Variants in PALLD observed in about 807,000 individuals in gnomAD.
The protein encoded by PALLD is palladin.
In PALLD, 61 loss-of-function variants were observed where a neutral mutation model predicts 123.5. The ratio of observed to expected loss-of-function variants is 0.49; its 90% CI spans 0.40 to 0.61. The LOEUF is 0.61. Among genes scored for constraint, PALLD ranks in the 20% least tolerant of loss-of-function variants. PALLD has a pLI of 0.00. For synonymous variants in PALLD, 465 were observed against 496.4 expected (o/e 0.94, Z 0.84); for missense variants, 1,273 against 1,377.0 (o/e 0.92, Z 1.20).
intron 2 of PALLD, among the ~76,000 whole-genome samples, chr4:168,617,931 T>C (rs1365851343): frequency 1.3e-5 from 2 of 152,204 alleles, no homozygotes; most frequent in African/African-American, 2.4e-5. Flanking sequence ...GAGAAATAAA[T>C]ACTGTAAGCA....
chr4:168,680,502 A>C (rs904696676), intron 3 of PALLD, among the ~76,000 whole-genome samples: 1,961 of 149,214 alleles, frequency 0.013, 47 homozygotes, highest in African/African-American at 0.047. Context: ...AAAAAAAAAA[A>C]AAAAAAAACA....
intron 10 of PALLD, among the ~76,000 whole-genome samples, chr4:168,827,719 A>T (rs1356355983): frequency 6.6e-6 from 1 of 152,246 alleles, no homozygotes; most frequent in African/African-American, 2.4e-5. Flanking sequence ...ACTCTAAAAA[A>T]TATAGTAAGA....
At chr4:168,837,559 G>A (rs534845027) in intron 10 of PALLD, among the ~76,000 whole-genome samples, 10 of 152,262 alleles carry the variant, frequency 6.6e-5, no homozygotes, top group Non-Finnish European at 7.3e-5. Context: ...AATATATACC[G>A]TTCGTTGAGT....
intron 15 of PALLD, among the ~76,000 whole-genome samples, chr4:168,907,771 A>G (rs1471733863): frequency 6.6e-6 from 1 of 152,122 alleles, no homozygotes; most frequent in Non-Finnish European, 1.5e-5. Context: ...AGCCCTCCTA[A>G]TAGAATATCC....
intron 10 of PALLD, among the ~76,000 whole-genome samples, chr4:168,835,813 C>T (rs922665082): frequency 1.3e-5 from 2 of 152,132 alleles, no homozygotes; most frequent in African/African-American, 4.8e-5. Context: ...ATTCTCGTGC[C>T]TCAGCCTCCT....
intron 2 of PALLD, among the ~76,000 whole-genome samples, chr4:168,632,216 C>G (rs1260262638): frequency 6.6e-6 from 1 of 151,724 alleles, no homozygotes; most frequent in Non-Finnish European, 1.5e-5. Context: ...AAAAATGATA[C>G]TTTTAGAGAA....
intron 10 of PALLD, among the ~76,000 whole-genome samples, chr4:168,861,013 C>A (rs1350103473): frequency 6.6e-6 from 1 of 152,154 alleles, no homozygotes; most frequent in Non-Finnish European, 1.5e-5. Context: ...ATCTTTCCCC[C>A]AGGATACCAC....
chr4:168,546,489 C>T (rs1447194256), intron 2 of PALLD, among the ~76,000 whole-genome samples: 2 of 152,168 alleles, frequency 1.3e-5, no homozygotes, highest in Non-Finnish European at 2.9e-5. Context: ...CTATTGGGGT[C>T]CACAAAGCAA....
intron 10 of PALLD, among the ~76,000 whole-genome samples, chr4:168,804,327 T>A (rs987420482): frequency 1.3e-5 from 2 of 152,240 alleles, no homozygotes; most frequent in Non-Finnish European, 2.9e-5. Context: ...AACCAGCTGC[T>A]TTTTCACCTA....
chr4:168,818,058 G>C (rs1481524877), intron 10 of PALLD, among the ~76,000 whole-genome samples: 1 of 152,128 alleles, frequency 6.6e-6, no homozygotes, highest in Non-Finnish European at 1.5e-5. Flanking sequence ...GTGTATTCTG[G>C]CTCCAAAAAT....
At chr4:168,740,550 G>T (rs190498367) in intron 10 of PALLD, among the ~76,000 whole-genome samples, 2 of 152,174 alleles carry the variant, frequency 1.3e-5, no homozygotes, top group Admixed American at 6.5e-5. Flanking sequence ...TCTTGCAGGC[G>T]CTTTCAGAAT....
intron 2 of PALLD, among the ~76,000 whole-genome samples, chr4:168,626,591 G>T (rs761118236): frequency 6.6e-6 from 1 of 151,464 alleles, no homozygotes; most frequent in Admixed American, 6.6e-5. Flanking sequence ...CACGACTGTC[G>T]TCCCTGCTAC....
chr4:168,599,021 T>C, intron 2 of PALLD, among the ~76,000 whole-genome samples: 1 of 152,310 alleles, frequency 6.6e-6, no homozygotes, highest in East Asian at 1.9e-4. Context: ...ATTGAAACTT[T>C]CTAAAAGGTC....
intron 15 of PALLD, among the ~76,000 whole-genome samples, chr4:168,911,439 A>T (rs779614670): frequency 6.6e-6 from 1 of 152,256 alleles, no homozygotes; most frequent in Admixed American, 6.5e-5. Flanking sequence ...CGCAAAGCAC[A>T]TAATAAGGAA....
chr4:168,902,313 ACTTG>A (rs1756695960), intron 14 of PALLD, among the ~76,000 whole-genome samples: 1 of 151,126 alleles, frequency 6.6e-6, no homozygotes, highest in African/African-American at 2.4e-5. Context: ...ACAACAAATA[ACTTG>A]CTGTGGCTTA....
chr4:168,817,541 T>C (rs1015834262), intron 10 of PALLD, among the ~76,000 whole-genome samples: 1 of 152,220 alleles, frequency 6.6e-6, no homozygotes, highest in Non-Finnish European at 1.5e-5. Flanking sequence ...TGTCAGTACT[T>C]GTTTTAATCT....
intron 13 of PALLD, among the ~76,000 whole-genome samples, chr4:168,896,862 G>A (rs556562427): frequency 8.6e-5 from 13 of 151,684 alleles, no homozygotes; most frequent in Admixed American, 2.6e-4. Context: ...ATGGAGTTTC[G>A]CTCTTGTTGC....
intron 2 of PALLD, among the ~76,000 whole-genome samples, chr4:168,633,357 A>AC (rs555479183): frequency 4.1e-4 from 62 of 152,138 alleles, no homozygotes; most frequent in African/African-American, 1.3e-3. Flanking sequence ...GAGCTTACCC[A>AC]CCCCCAACTG....
intron 10 of PALLD, among the ~76,000 whole-genome samples, chr4:168,887,436 T>C (rs1753529925): frequency 1.3e-5 from 2 of 152,224 alleles, no homozygotes; most frequent in Non-Finnish European, 2.9e-5. Flanking sequence ...CTGACCTTGA[T>C]GGTCTCCCTG....
Sources: gnomAD v4.1 joint callset for allele counts (sites outside exome capture counted in the v4.1 genomes callset) on GRCh38, gnomAD v4.1.1 for gene constraint, MANE v1.5 for transcripts, NCBI Gene and HGNC (gene_info 2026-07-23, HGNC 2026-07-21) for gene names.